ARFGAP2: variants seen among roughly 807,000 people sequenced by gnomAD.
ARFGAP2 encodes ARF GTPase activating protein 2, also known as ADP-ribosylation factor GTPase-activating protein 2.
Under a neutral mutation model 71.9 loss-of-function variants are expected in ARFGAP2, and 45 were observed. The observed-to-expected ratio is 0.63, with a 90% CI of 0.49 to 0.80. ARFGAP2 has a LOEUF of 0.80. Ranked by LOEUF, ARFGAP2 falls within the 30% of genes least tolerant of loss-of-function variation. The pLI, the probability that ARFGAP2 is intolerant of heterozygous loss-of-function variation, is 0.00. For synonymous variants in ARFGAP2, 248 were observed against 249.2 expected (o/e 1.00, Z 0.05); for missense variants, 633 against 673.9 (o/e 0.94, Z 0.67).
chr11:47,165,682 G>A (rs992879689), intron 15 of ARFGAP2, among the ~76,000 whole-genome samples, 180 bp from the exon 16 acceptor site: 9 of 152,266 alleles, frequency 5.9e-5, no homozygotes, highest in Non-Finnish European at 8.8e-5. Context: ...TCGGGCACCC[G>A]ACAACAGGGA....
intron 10 of ARFGAP2, 139 bp from the exon 11 acceptor site, chr11:47,168,390 G>C (rs1952473708): frequency 8.7e-7 from 1 of 1,154,200 alleles, no homozygotes; most frequent in African/African-American, 1.6e-5. Flanking sequence ...GCACAGGGCT[G>C]GGCCAGACCC....
intron 12 of ARFGAP2, among the ~76,000 whole-genome samples, chr11:47,167,355 G>A (rs1952425816): frequency 6.6e-6 from 1 of 152,200 alleles, no homozygotes; most frequent in African/African-American, 2.4e-5. Flanking sequence ...ATCTCACGCT[G>A]AGTATGTGGA....
intron 12 of ARFGAP2, among the ~76,000 whole-genome samples, chr11:47,167,101 G>C (rs1952416485): frequency 6.6e-6 from 1 of 152,192 alleles, no homozygotes. Flanking sequence ...ACCTGCACTA[G>C]GCAGGGTGGA....
rs1055769 is a variant in ARFGAP2 at position 47,164,418 on chromosome 11, G to A, written c.*1064C>T. On this transcript the variant is annotated 3_prime_UTR_variant, in exon 16 of 16. Coordinates refer to ENST00000524782, the MANE Select transcript of ARFGAP2 (RefSeq NM_032389.6). ...CCCTCTGGGGGAGGGGCAAGGGGAA[G>A]AGTGGTCTGTGTTGCTTGGGAGCCC... is the stretch of plus-strand genomic sequence containing the variant. 2 of 798,260 alleles carry A rather than the reference G, an allele frequency of 2.5e-6. No homozygotes were observed. The highest frequency in any genetic ancestry group is 3.1e-5 in the East Asian group (1 of 31,896). The allele number at this position is 798,260 out of a possible 1,614,324, so 49.4% of individuals were successfully genotyped here.
chr11:47,165,826 A>C (rs1349676166), intron 15 of ARFGAP2, among the ~76,000 whole-genome samples: 2 of 151,960 alleles, frequency 1.3e-5, no homozygotes, highest in Non-Finnish European at 2.9e-5. Flanking sequence ...AAAGGAAGGA[A>C]GCTGCCCTCC....
Position 47,171,870 on chromosome 11 carries a change from T to C in ARFGAP2, c.673-70A>G, listed in dbSNP as rs965473393. 118 of 1,577,618 alleles carry C rather than the reference T, an allele frequency of 7.5e-5. No homozygotes were observed. In the Admixed American group the frequency reaches 1.3e-3, roughly 17 times the overall value. The stretch of plus-strand genomic sequence containing the variant: ...TCAGATCCCTCCCAGGTTCAGGCAC[T>C]GTAGCCACACCCACAAGGAAAAGGC... On this transcript the variant is annotated intron_variant, in intron 8 of 15. Coordinates refer to ENST00000524782, the MANE Select transcript of ARFGAP2 (RefSeq NM_032389.6).
At chr11:47,172,858 C>T in intron 7 of ARFGAP2, 8 of 1,056,910 alleles carry the variant, frequency 7.6e-6, no homozygotes, top group Non-Finnish European at 1.0e-5. Context: ...CCAAGCTATG[C>T]CAGCCTTCTC....
intron 5 of ARFGAP2, chr11:47,174,679 G>C (rs966748425): frequency 3.8e-6 from 1 of 266,448 alleles, no homozygotes; most frequent in East Asian, 9.5e-5. Flanking sequence ...ACAGGCGTGA[G>C]CCACTGCGCC....
At chr11:47,168,361 G>A in intron 10 of ARFGAP2, 110 bp from the exon 11 acceptor site, 1 of 1,471,804 alleles carries the variant, frequency 6.8e-7, no homozygotes, top group Non-Finnish European at 9.2e-7. Context: ...GTCACCCAGA[G>A]CCTTCTGTCC....
intron 10 of ARFGAP2, chr11:47,169,294 A>G (rs1211779948): frequency 6.6e-6 from 1 of 151,976 alleles, no homozygotes. Flanking sequence ...AGTCTGGGCA[A>G]CAGAGCGAGG....
At position 47,165,456 on chromosome 11, in the gene ARFGAP2, C is replaced by T. The variant is rs150097793; in HGVS notation, c.*26G>A. The T allele has an allele frequency of 2.9e-4, 463 of 1,569,832 alleles. No individual in the cohort carries two copies. In the African/African-American group the frequency reaches 5.9e-3, roughly 20 times the overall value. On this transcript the variant is annotated 3_prime_UTR_variant, in exon 16 of 16. Coordinates refer to ENST00000524782, the MANE Select transcript of ARFGAP2 (RefSeq NM_032389.6). ...GTGGAGTTCTTGTTGCCGTCACCAT[C>T]GTAAGCCTGAGTCACAGAGCTCGGA... is the stretch of plus-strand genomic sequence containing the variant.
At chr11:47,175,732 T>C in intron 3 of ARFGAP2, 119 bp downstream of exon 3, 1 of 1,131,256 alleles carries the variant, frequency 8.8e-7, no homozygotes, top group South Asian at 1.3e-5. Flanking sequence ...TAGCTTATGG[T>C]GGTGTTATAG....
chr11:47,168,317 C>T (rs766516542), intron 10 of ARFGAP2, 66 bp from the exon 11 acceptor site: 3 of 1,599,178 alleles, frequency 1.9e-6, no homozygotes, highest in Non-Finnish European at 2.6e-6. Flanking sequence ...GCACAAGAGA[C>T]AATGCCCAGC....
At chr11:47,167,607 T>C (rs932042739) in intron 12 of ARFGAP2, among the ~76,000 whole-genome samples, 3 of 151,568 alleles carry the variant, frequency 2.0e-5, no homozygotes, top group African/African-American at 7.3e-5. Flanking sequence ...AGGCCCTCTA[T>C]GATGACAAAG....
chr11:47,175,077 T>C lies in ARFGAP2; in HGVS notation c.418A>G (p.Ser140Gly), dbSNP rs1952746706. 6.2e-7 allele frequency: 1 copy of C among 1,614,188 alleles called. No homozygotes were observed. The highest frequency in any genetic ancestry group is 1.3e-5 in the African/African-American group (1 of 75,024). ...TCTGGGGAGTGATTAGGAACGGCAC[T>C]ACTCATGTTGTCTATCCAAAGCTAG... ...GTDLWIDNMS[S>G]AVPNHSPEKK... The change falls in exon 5 of 16, where the codon AGT becomes GGT. Residue 140 changes from serine to glycine, a missense_variant. Ser to Gly is a moderately conservative substitution (Grantham distance 56, BLOSUM62 0). Transcript: ENST00000524782.
rs1952752737 is a variant in ARFGAP2, at chr11:47,175,204, G to T, written c.374C>A (p.Ala125Asp). 1.2e-6 allele frequency: 2 copies of T among 1,614,152 alleles called. No individual in the cohort carries two copies. The highest frequency in any genetic ancestry group is 2.2e-5 in the East Asian group (1 of 44,886). The change falls in exon 4 of 16, where the codon GCC (alanine) becomes GAC (aspartate). Residue 125 changes from alanine (A) to aspartate (D), a missense_variant. Physicochemically the swap from Ala to Asp is moderately radical, Grantham distance 126. Coordinates refer to ENST00000524782, the MANE Select transcript of ARFGAP2 (RefSeq NM_032389.6). The part of the protein sequence containing the change: ...REKIRQLGSA[A>D]LARHGTDLWI... ...TACATCAGTGCCATGCCTAGCCAGG[G>T]CCGCACTCCCCAGCTGCCGGATCTT... is the stretch of plus-strand genomic sequence containing the variant.
chr11:47,174,798 T>A (rs1952734309), intron 5 of ARFGAP2: 1 of 570,370 alleles, frequency 1.8e-6, no homozygotes, highest in Admixed American at 3.0e-5. Flanking sequence ...CCAGCCCAAT[T>A]TATAGGAGTC....
chr11:47,166,591 G>A lies in ARFGAP2; in HGVS notation c.1341C>T (p.Ala447=). The A allele has an allele frequency of 6.2e-7, 1 of 1,612,100 alleles. No homozygotes were observed. Among genetic ancestry groups the A allele is most frequent in the Non-Finnish European group, 8.5e-7 (1 of 1,179,994 alleles). The change falls in exon 14 of 16, where the codon GCC becomes GCT. Residue 447 remains alanine (A), a synonymous_variant. Transcript: ENST00000524782. ...CTGAGAGCTGCTGCAGCCGAGACCTGGCCTCATACTGTGGTGAGGAAAAGG... is the reference window on the plus strand; with the variant it reads ...CTGAGAGCTGCTGCAGCCGAGACCTAGCCTCATACTGTGGTGAGGAAAAGG... ...FGREVDAEYE[A]RSRLQQLSGS...
At chr11:47,166,704 G>A in intron 13 of ARFGAP2, 56 bp downstream of exon 13, 2 of 1,601,868 alleles carry the variant, frequency 1.2e-6, no homozygotes, top group African/African-American at 1.3e-5. Context: ...GCGGCAGGGA[G>A]AAAGCTCATG....
Sources: gnomAD v4.1 joint callset for allele counts (sites outside exome capture counted in the v4.1 genomes callset) on GRCh38, gnomAD v4.1.1 for gene constraint, MANE v1.5 for transcripts, NCBI Gene and HGNC (gene_info 2026-07-23, HGNC 2026-07-21) for gene names.